The following MAPKAP1 variants were observed in gnomAD, a reference collection of about 807,000 sequenced individuals.
MAPKAP1 encodes the protein target of rapamycin complex 2 subunit MAPKAP1.
In MAPKAP1, 20 loss-of-function variants were observed where a neutral mutation model predicts 65.7. The ratio of observed to expected loss-of-function variants is 0.30; its 90% confidence interval spans 0.21 to 0.44. MAPKAP1 has a LOEUF of 0.44. Among genes scored for constraint, MAPKAP1 ranks in the 20% least tolerant of loss-of-function variants. The pLI is 1.00. For synonymous variants in MAPKAP1, 222 were observed against 244.3 expected (o/e 0.91, Z 0.85); for missense variants, 423 against 648.0 (o/e 0.65, Z 3.77).
At chr9:125,511,815 C>T (rs538138887) in intron 7 of MAPKAP1, among the ~76,000 whole-genome samples, 12 of 152,290 alleles carry the variant, frequency 7.9e-5, no homozygotes, top group East Asian at 1.9e-4. Context: ...CGCATGAAGC[C>T]GCATACCCTC....
chr9:125,561,707 G>T (rs1382544387), intron 5 of MAPKAP1, among the ~76,000 whole-genome samples: 1 of 152,122 alleles, frequency 6.6e-6, no homozygotes, highest in East Asian at 1.9e-4. Context: ...TTCACCTCGA[G>T]TTTCAGTTTC....
At chr9:125,452,429 G>A (rs1852990971) in intron 10 of MAPKAP1, among the ~76,000 whole-genome samples, 1 of 151,962 alleles carries the variant, frequency 6.6e-6, no homozygotes, top group Non-Finnish European at 1.5e-5. Flanking sequence ...ATACCATCTG[G>A]ACCCCCTACT....
intron 10 of MAPKAP1, among the ~76,000 whole-genome samples, chr9:125,467,341 T>G (rs1853716627): frequency 6.6e-6 from 1 of 152,232 alleles, no homozygotes; most frequent in Admixed American, 6.5e-5. Flanking sequence ...ACCCAATTAC[T>G]TAACTGCAAA....
chr9:125,479,163 G>C (rs1854216062), intron 9 of MAPKAP1, among the ~76,000 whole-genome samples: 2 of 152,218 alleles, frequency 1.3e-5, no homozygotes, highest in South Asian at 4.1e-4. Context: ...TTAGCAAAGT[G>C]CTTGGCACAC....
chr9:125,439,242 C>A lies in MAPKAP1; in HGVS notation c.1444-230G>T, dbSNP rs909962275. 1.3e-5 allele frequency among the ~76,000 whole-genome samples: 2 copies of A among 152,372 alleles called. No homozygotes were observed. The highest frequency in any genetic ancestry group is 3.9e-4 in the East Asian group (2 of 5,178). On this transcript the variant is annotated intron_variant, in intron 11 of 11. Transcript: ENST00000265960. This position sits in a 1 kb window ranked among gnomAD's most constrained non-coding sequence, Gnocchi z 4.0. The stretch of plus-strand genomic sequence containing the variant: ...GGAGAAGCCAAGTGGCCAGTCCAGG[C>A]TTCCCAGTCAGTGAGCGGCGAGCTC...
At chr9:125,526,397 T>C (rs902217621) in intron 7 of MAPKAP1, among the ~76,000 whole-genome samples, 1 of 152,246 alleles carries the variant, frequency 6.6e-6, no homozygotes, top group Non-Finnish European at 1.5e-5. Flanking sequence ...ATTTGAGATA[T>C]TAGTCATCCT....
At chr9:125,452,668 C>T (rs1172581813) in intron 10 of MAPKAP1, among the ~76,000 whole-genome samples, 1 of 151,960 alleles carries the variant, frequency 6.6e-6, no homozygotes, top group Non-Finnish European at 1.5e-5. Flanking sequence ...GTAATCCCAG[C>T]ACTTTGGGAG....
intron 9 of MAPKAP1, among the ~76,000 whole-genome samples, chr9:125,477,673 A>C (rs542628841): frequency 3.3e-5 from 5 of 152,360 alleles, no homozygotes; most frequent in African/African-American, 1.2e-4. Flanking sequence ...AGCTTCTGCC[A>C]GCCAGCCAAC....
intron 11 of MAPKAP1, among the ~76,000 whole-genome samples, chr9:125,441,243 C>G (rs1172741855): frequency 1.3e-5 from 2 of 152,182 alleles, no homozygotes; most frequent in African/African-American, 4.8e-5. Context: ...GACAACTCCT[C>G]TGAGATTCAT....
chr9:125,665,161 A>G (rs1005701940), intron 3 of MAPKAP1, among the ~76,000 whole-genome samples: 45 of 152,092 alleles, frequency 3.0e-4, no homozygotes, highest in African/African-American at 1.1e-3. Context: ...TTAAAAAATT[A>G]GCCAAGCATG....
At chr9:125,475,432 C>A (rs1854067828) in intron 9 of MAPKAP1, among the ~76,000 whole-genome samples, 1 of 152,222 alleles carries the variant, frequency 6.6e-6, no homozygotes, top group Non-Finnish European at 1.5e-5. Flanking sequence ...TCACTGGTTT[C>A]ATTCAAAGGA....
At chr9:125,648,122 C>A (rs1833783366) in intron 4 of MAPKAP1, among the ~76,000 whole-genome samples, 1 of 152,030 alleles carries the variant, frequency 6.6e-6, no homozygotes, top group Non-Finnish European at 1.5e-5. Flanking sequence ...TTCGCCATAA[C>A]AACGACTGCA....
chr9:125,505,454 C>A (rs1829112040), intron 8 of MAPKAP1, among the ~76,000 whole-genome samples: 1 of 151,846 alleles, frequency 6.6e-6, no homozygotes, highest in Non-Finnish European at 1.5e-5. Flanking sequence ...ACCAGCCTGG[C>A]CAATGCAGCA....
At chr9:125,598,068 T>C (rs940426168) in intron 4 of MAPKAP1, among the ~76,000 whole-genome samples, 4 of 149,088 alleles carry the variant, frequency 2.7e-5, no homozygotes, top group African/African-American at 7.4e-5. Flanking sequence ...AGGGTCGACA[T>C]GAGAAAAAAA....
intron 11 of MAPKAP1, among the ~76,000 whole-genome samples, chr9:125,440,989 A>G (rs986213914): frequency 6.6e-5 from 10 of 152,244 alleles, no homozygotes; most frequent in African/African-American, 2.4e-4. Flanking sequence ...GTGCTTTGTG[A>G]TAATCACATA....
intron 4 of MAPKAP1, among the ~76,000 whole-genome samples, chr9:125,599,207 C>T (rs1832230990): frequency 6.6e-6 from 1 of 152,078 alleles, no homozygotes; most frequent in Admixed American, 6.6e-5. Flanking sequence ...TACAAGAAAT[C>T]TGAAGGGTCA....
At chr9:125,473,491 A>G (rs375725570) in intron 9 of MAPKAP1, among the ~76,000 whole-genome samples, 21 of 152,160 alleles carry the variant, frequency 1.4e-4, no homozygotes, top group African/African-American at 4.3e-4. Context: ...GCTGTCCTAC[A>G]TCAACGCCAG....
At chr9:125,646,360 G>A (rs917272691) in intron 4 of MAPKAP1, among the ~76,000 whole-genome samples, 13 of 152,268 alleles carry the variant, frequency 8.5e-5, no homozygotes, top group Non-Finnish European at 1.8e-4. Context: ...AATGCCATCA[G>A]GAGGCCATGA....
chr9:125,651,599 C>T (rs946756739), intron 4 of MAPKAP1, among the ~76,000 whole-genome samples: 3 of 152,140 alleles, frequency 2.0e-5, no homozygotes, highest in Non-Finnish European at 4.4e-5. Flanking sequence ...GAGAGAGACT[C>T]TGTCTCAAAA....
Sources: gnomAD v4.1 joint callset for allele counts (sites outside exome capture counted in the v4.1 genomes callset) on GRCh38, gnomAD v4.1.1 for gene constraint, Gnocchi (gnomAD v3.1) non-coding constraint, MANE v1.5 for transcripts, NCBI Gene and HGNC (gene_info 2026-07-23, HGNC 2026-07-21) for gene names.